Variants in MAST4 observed in about 807,000 individuals in gnomAD.
MAST4 encodes microtubule-associated serine/threonine-protein kinase 4.
Under a neutral mutation model 162.7 loss-of-function variants are expected in MAST4, and 89 were observed. The ratio of observed to expected loss-of-function variants is 0.55; its 90% CI spans 0.46 to 0.65. The LOEUF (loss-of-function observed/expected upper bound fraction) is 0.65. Among genes scored for constraint, MAST4 ranks in the 30% least tolerant of loss-of-function variants. The pLI, the probability that MAST4 is intolerant of heterozygous loss-of-function variation, is 0.00. For synonymous variants in MAST4, 1,479 were observed against 1,361.1 expected (o/e 1.09, Z -1.91); for missense variants, 3,153 against 3,374.0 (o/e 0.93, Z 1.62).
intron 13 of MAST4, among the ~76,000 whole-genome samples, chr5:67,119,765 CAGAG>C (rs1767354577): frequency 6.6e-6 from 1 of 152,056 alleles, no homozygotes; most frequent in Non-Finnish European, 1.5e-5. Flanking sequence ...TTCTGGCACT[CAGAG>C]GGAGAGTTTC....
intron 1 of MAST4, among the ~76,000 whole-genome samples, chr5:66,740,617 A>G (rs558768415): frequency 6.6e-6 from 1 of 152,224 alleles, no homozygotes; most frequent in Admixed American, 6.5e-5. Context: ...TGATCTTAGG[A>G]GGCTTACATA....
chr5:66,919,852 TTTTC>T (rs1561445811), intron 4 of MAST4, among the ~76,000 whole-genome samples: 1 of 152,020 alleles, frequency 6.6e-6, no homozygotes, highest in African/African-American at 2.4e-5. Flanking sequence ...TGTTGGAACA[TTTTC>T]TTTTTTTGGA....
intron 1 of MAST4, among the ~76,000 whole-genome samples, chr5:66,645,551 A>T (rs2149440928): frequency 6.6e-6 from 1 of 152,332 alleles, no homozygotes; most frequent in African/African-American, 2.4e-5. Context: ...ATTTTCAAGT[A>T]CATATGTTGA....
intron 4 of MAST4, among the ~76,000 whole-genome samples, chr5:66,925,749 A>G (rs1464187387): frequency 6.6e-6 from 1 of 152,108 alleles, no homozygotes. Flanking sequence ...TATTTGTAGA[A>G]TATTGTTTTG....
At position 66,852,373 on chromosome 5, in the gene MAST4, G is replaced by C. The variant is rs372877427; in HGVS notation, c.643-47578G>C. 4.6e-5 allele frequency among the ~76,000 whole-genome samples: 7 copies of C among 152,080 alleles called. No individual in the cohort carries two copies. In the East Asian group the frequency reaches 9.6e-4, roughly 21 times the overall value. ...TTGCCCAGGGTGGTCTCAAACTCCT[G>C]GGCTCAAGCGGATCTGCTTTCCTCG... On this transcript the variant is annotated intron_variant, in intron 3 of 28. Transcript: ENST00000403625.
At chr5:66,986,728 C>A (rs1749553105) in intron 4 of MAST4, among the ~76,000 whole-genome samples, 1 of 151,664 alleles carries the variant, frequency 6.6e-6, no homozygotes, top group African/African-American at 2.4e-5. Context: ...TCAGTTGATC[C>A]TCCCACTTCC....
intron 3 of MAST4, among the ~76,000 whole-genome samples, chr5:66,882,168 T>A (rs999690053): frequency 6.6e-6 from 1 of 152,340 alleles, no homozygotes; most frequent in African/African-American, 2.4e-5. Context: ...CCTTTATCTA[T>A]TTCCTGCCTG....
chr5:66,918,678 C>G (rs1764273211), intron 4 of MAST4, among the ~76,000 whole-genome samples: 1 of 149,654 alleles, frequency 6.7e-6, no homozygotes, highest in Non-Finnish European at 1.5e-5. Context: ...TAAAGACAAA[C>G]AAATGTGAGG....
At chr5:66,714,207 A>G (rs1267740419) in intron 1 of MAST4, among the ~76,000 whole-genome samples, 1 of 152,074 alleles carries the variant, frequency 6.6e-6, no homozygotes, top group African/African-American at 2.4e-5. Context: ...CAAACACCTA[A>G]TATGCAAGGG....
intron 1 of MAST4, among the ~76,000 whole-genome samples, chr5:66,660,336 C>A (rs777546553): frequency 6.6e-6 from 1 of 152,018 alleles, no homozygotes; most frequent in East Asian, 1.9e-4. Context: ...TGCAGTCAGC[C>A]GAGATCGCGC....
At chr5:67,101,812 GC>G (rs1765063451) in intron 8 of MAST4, among the ~76,000 whole-genome samples, 1 of 151,670 alleles carries the variant, frequency 6.6e-6, no homozygotes, top group Non-Finnish European at 1.5e-5. Flanking sequence ...CTACATTGGT[GC>G]CATTTTTTGT....
intron 23 of MAST4, 62 bp downstream of exon 23, chr5:67,145,441 AG>A: frequency 6.8e-7 from 1 of 1,463,750 alleles, no homozygotes; most frequent in South Asian, 1.2e-5. Context: ...CCTAGTGCTC[AG>A]TCCCAGGGCG....
chr5:66,704,516 A>G (rs71632583), intron 1 of MAST4, among the ~76,000 whole-genome samples: 12,087 of 55,576 alleles, frequency 0.22, 760 homozygotes, highest in Middle Eastern at 0.32. Flanking sequence ...TTTTTTTTTG[A>G]GACGGAGTCT....
intron 2 of MAST4, among the ~76,000 whole-genome samples, chr5:66,774,303 T>C (rs1297011767): frequency 6.6e-6 from 1 of 152,246 alleles, no homozygotes; most frequent in Non-Finnish European, 1.5e-5. Flanking sequence ...CAAAGTATTT[T>C]ATTTTGGTTT....
At chr5:67,128,044 T>G (rs1243196273) in intron 14 of MAST4, among the ~76,000 whole-genome samples, 2 of 152,176 alleles carry the variant, frequency 1.3e-5, no homozygotes, top group Non-Finnish European at 2.9e-5. Flanking sequence ...GAATCTAGAT[T>G]TTTGTTATTT....
Position 67,099,348 on chromosome 5 carries a change from TA to T in MAST4, c.913-1082del, listed in dbSNP as rs1268471369. ...CTTGTAAAATAATCTCATTACATTA[TA>T]AAAATTCCTCTTTGTCTCAATATGT... On this transcript the variant is annotated intron_variant, in intron 7 of 28. Transcript: ENST00000403625. Among the ~76,000 whole-genome samples, 9 of 152,178 alleles carry T rather than the reference TA, an allele frequency of 5.9e-5. 3 individuals are homozygous for T. The highest frequency in any genetic ancestry group is 2.2e-4 in the African/African-American group (9 of 41,552).
chr5:66,697,771 C>T (rs546373728), intron 1 of MAST4, among the ~76,000 whole-genome samples: 5 of 152,162 alleles, frequency 3.3e-5, no homozygotes, highest in Middle Eastern at 3.4e-3. Flanking sequence ...TGAATCAGGG[C>T]GAACTAATGT....
At position 66,687,636 on chromosome 5, in the gene MAST4, T is replaced by C. The variant is rs72761223; in HGVS notation, c.364-72073T>C. ...TATGTATACATAGATGTGTGTGTGT[T>C]TATCTATCTATCTATCTATCTATCT... On this transcript the variant is annotated intron_variant, in intron 1 of 28. Transcript: ENST00000403625. Among the ~76,000 whole-genome samples, 766 of 149,532 alleles carry C rather than the reference T, an allele frequency of 5.1e-3. 5 individuals carry two copies. Among genetic ancestry groups the C allele is most frequent in the Non-Finnish European group, 6.9e-3 (467 of 67,374 alleles).
At chr5:67,069,649 CA>C (rs1760690394) in intron 5 of MAST4, among the ~76,000 whole-genome samples, 8 of 152,080 alleles carry the variant, frequency 5.3e-5, no homozygotes, top group Admixed American at 5.2e-4. Flanking sequence ...GAGAGGAAAA[CA>C]GGTTGTCCTG....
Sources: gnomAD v4.1 joint callset for allele counts (sites outside exome capture counted in the v4.1 genomes callset) on GRCh38, gnomAD v4.1.1 for gene constraint, MANE v1.5 for transcripts, NCBI Gene and HGNC (gene_info 2026-07-23, HGNC 2026-07-21) for gene names.